The following KIAA0825 variants were observed in gnomAD, a reference collection of about 807,000 sequenced individuals.
The protein encoded by KIAA0825 is uncharacterized protein KIAA0825.
Under a neutral mutation model 147.6 loss-of-function variants are expected in KIAA0825, and 119 were observed. The ratio of observed to expected loss-of-function variants is 0.81; its 90% confidence interval spans 0.69 to 0.94. The LOEUF (loss-of-function observed/expected upper bound fraction) is 0.94, where lower values mean the gene tolerates loss of function less well. KIAA0825 is among the 40% of genes least tolerant of loss of function. The probability of loss-of-function intolerance (pLI) is 0.00; values close to 1 mark genes in which losing one functional copy is unlikely to be tolerated. For synonymous variants in KIAA0825, 470 were observed against 518.1 expected (o/e 0.91, Z 1.26); for missense variants, 1,381 against 1,472.7 (o/e 0.94, Z 1.02).
intron 18 of KIAA0825, among the ~76,000 whole-genome samples, chr5:94,389,889 A>G (rs1342239559): frequency 6.6e-6 from 1 of 152,206 alleles, no homozygotes; most frequent in Non-Finnish European, 1.5e-5. Flanking sequence ...TTGCAGTGCC[A>G]TGCCTCATTC....
chr5:94,383,792 T>TGTGTGC (rs1748760214), intron 20 of KIAA0825, among the ~76,000 whole-genome samples: 4 of 129,272 alleles, frequency 3.1e-5, no homozygotes, highest in African/African-American at 1.3e-4. Flanking sequence ...CTGCTCTGTG[T>TGTGTGC]GTGTGTGTGT....
intron 3 of KIAA0825, among the ~76,000 whole-genome samples, 171 bp from the exon 4 acceptor site, chr5:94,524,269 G>A (rs1768833394): frequency 6.6e-6 from 1 of 151,588 alleles, no homozygotes; most frequent in African/African-American, 2.4e-5. Context: ...GTTGAAAGCT[G>A]AGAGTTCAAA....
chr5:94,504,884 A>T (rs1765550625), intron 5 of KIAA0825, among the ~76,000 whole-genome samples: 1 of 151,038 alleles, frequency 6.6e-6, no homozygotes, highest in African/African-American at 2.4e-5. Context: ...AGTAGCTGGG[A>T]TTACAGGTGC....
At chr5:94,612,418 G>A (rs1026689769) in intron 1 of KIAA0825, among the ~76,000 whole-genome samples, 2 of 152,086 alleles carry the variant, frequency 1.3e-5, no homozygotes, top group African/African-American at 4.8e-5. Context: ...GAAGAGTGTA[G>A]CACTTTGATA....
chr5:94,230,896 T>C (rs1399874553), intron 20 of KIAA0825, among the ~76,000 whole-genome samples: 2 of 152,158 alleles, frequency 1.3e-5, no homozygotes, highest in Non-Finnish European at 2.9e-5. Context: ...TGTTTTACTC[T>C]TTCTGGGATT....
intron 20 of KIAA0825, among the ~76,000 whole-genome samples, chr5:94,234,935 T>C (rs1008721649): frequency 4.6e-5 from 7 of 152,134 alleles, no homozygotes; most frequent in African/African-American, 1.7e-4. Context: ...GGTGAACTTA[T>C]TTGATAAATG....
chr5:94,530,245 TG>T (rs1309144449), intron 3 of KIAA0825, among the ~76,000 whole-genome samples: 3 of 114,634 alleles, frequency 2.6e-5, no homozygotes, highest in Non-Finnish European at 4.8e-5. Flanking sequence ...CACTCCAGCC[TG>T]GGCAACGAGA....
At chr5:94,154,179 A>G (rs776946092) in intron 20 of KIAA0825, 55 bp from the exon 21 acceptor site, 40 of 1,081,718 alleles carry the variant, frequency 3.7e-5, no homozygotes, top group South Asian at 2.7e-4. Flanking sequence ...ACAGGTCAAC[A>G]CTCAGTTAAT....
intron 20 of KIAA0825, among the ~76,000 whole-genome samples, chr5:94,264,893 A>G (rs1776672470): frequency 6.7e-6 from 1 of 149,790 alleles, no homozygotes; most frequent in Admixed American, 6.7e-5. Context: ...AGTGATTCTC[A>G]TGGCTCAGCC....
intron 8 of KIAA0825, 60 bp from the exon 9 acceptor site, chr5:94,471,791 T>C (rs1761238066): frequency 1.4e-6 from 2 of 1,474,758 alleles, no homozygotes; most frequent in African/African-American, 2.8e-5. Context: ...AAGTAATTTA[T>C]GGACAGTGGA....
At position 94,421,486 on chromosome 5, in the gene KIAA0825, T is replaced by C. The variant is rs151019301; in HGVS notation, c.2498-4121A>G. ...CCTAGTTCTGTCTAGATCACCATCA[T>C]ATGCTTATTTCCAGGCTCAATGCCT... On this transcript the variant is annotated intron_variant, in intron 14 of 20. Coordinates refer to ENST00000682413, the MANE Select transcript of KIAA0825 (RefSeq NM_001145678.3). Among the ~76,000 whole-genome samples, 587 of 152,344 alleles carry C rather than the reference T, an allele frequency of 3.9e-3. 6 individuals carry two copies. Among genetic ancestry groups the C allele is most frequent in the Middle Eastern group, 0.02 (6 of 294 alleles).
intron 20 of KIAA0825, among the ~76,000 whole-genome samples, chr5:94,379,832 A>T (rs1748120955): frequency 7.5e-6 from 1 of 133,656 alleles, no homozygotes; most frequent in Non-Finnish European, 1.6e-5. Context: ...CTGTATTCCT[A>T]GGTATTTTAT....
chr5:94,226,989 C>T (rs1185461220), intron 20 of KIAA0825, among the ~76,000 whole-genome samples: 6 of 152,118 alleles, frequency 3.9e-5, no homozygotes, highest in Non-Finnish European at 5.9e-5. Context: ...GTCAGTGTGG[C>T]GATTCCTCAG....
intron 4 of KIAA0825, 39 bp from the exon 5 acceptor site, chr5:94,520,956 AT>A: frequency 7.1e-7 from 1 of 1,412,706 alleles, no homozygotes; most frequent in Non-Finnish European, 9.5e-7. Context: ...ATTAAGTGCA[AT>A]AGAAAAAATG....
At chr5:94,192,076 C>T (rs1464785050) in intron 20 of KIAA0825, among the ~76,000 whole-genome samples, 1 of 152,220 alleles carries the variant, frequency 6.6e-6, no homozygotes, top group African/African-American at 2.4e-5. Context: ...GCGAACTAGG[C>T]GTTCTAACTC....
chr5:94,275,092 T>C (rs1367328953), intron 20 of KIAA0825, among the ~76,000 whole-genome samples: 2 of 152,166 alleles, frequency 1.3e-5, no homozygotes, highest in Non-Finnish European at 1.5e-5. Flanking sequence ...GGAACACATA[T>C]GCTTGACAAT....
At chr5:94,448,063 G>A (rs147305644) in intron 13 of KIAA0825, among the ~76,000 whole-genome samples, 2 of 151,686 alleles carry the variant, frequency 1.3e-5, no homozygotes, top group Admixed American at 6.6e-5. Context: ...TATTATAATT[G>A]ACTAGGACAG....
intron 15 of KIAA0825, among the ~76,000 whole-genome samples, chr5:94,410,383 G>A (rs1388495383): frequency 6.6e-6 from 1 of 152,118 alleles, no homozygotes; most frequent in Admixed American, 6.6e-5. Flanking sequence ...CAGAAAAAGT[G>A]GGAGGGGGAG....
At chr5:94,560,121 C>G (rs925535219) in intron 2 of KIAA0825, among the ~76,000 whole-genome samples, 17 of 152,300 alleles carry the variant, frequency 1.1e-4, no homozygotes, top group African/African-American at 2.9e-4. Context: ...TCTTCTCTCC[C>G]TCCTATAACT....
Sources: gnomAD v4.1 joint callset for allele counts (sites outside exome capture counted in the v4.1 genomes callset) on GRCh38, gnomAD v4.1.1 for gene constraint, MANE v1.5 for transcripts, NCBI Gene and HGNC (gene_info 2026-07-23, HGNC 2026-07-21) for gene names.